Variants in FAM13A observed in about 807,000 individuals in gnomAD.
FAM13A encodes protein FAM13A.
FAM13A carries 76 observed loss-of-function variants against 129.6 expected under a neutral mutation model. The ratio of observed to expected loss-of-function variants is 0.59; its 90% CI spans 0.49 to 0.71. The LOEUF (loss-of-function observed/expected upper bound fraction) is 0.71. Ranked by LOEUF, FAM13A falls within the 30% of genes least tolerant of loss-of-function variation. The pLI is 0.00. For missense variants in FAM13A, 1,108 were observed against 1,249.3 expected (o/e 0.89, Z 1.70); for synonymous variants, 443 against 449.9 (o/e 0.98, Z 0.20).
At chr4:88,783,587 A>T (rs1039445841) in intron 10 of FAM13A, among the ~76,000 whole-genome samples, 41 of 152,252 alleles carry the variant, frequency 2.7e-4, no homozygotes, top group African/African-American at 9.6e-4. Context: ...CCCAGCCCCA[A>T]TTATAACCTT....
intron 4 of FAM13A, among the ~76,000 whole-genome samples, chr4:88,976,362 C>T (rs1005952338): frequency 6.6e-6 from 1 of 152,148 alleles, no homozygotes; most frequent in African/African-American, 2.4e-5. Flanking sequence ...GCCTCATCAG[C>T]AACGTTCAAC....
intron 8 of FAM13A, 130 bp from the exon 9 acceptor site, chr4:88,790,757 C>A: frequency 1.4e-6 from 1 of 725,834 alleles, no homozygotes; most frequent in South Asian, 1.8e-5. Flanking sequence ...CAATGTTTAA[C>A]CATCCAATGA....
chr4:88,887,678 G>A (rs1285573989), intron 6 of FAM13A, among the ~76,000 whole-genome samples: 1 of 151,772 alleles, frequency 6.6e-6, no homozygotes, highest in Non-Finnish European at 1.5e-5. Flanking sequence ...TTCCAGATGC[G>A]TGCCACCATG....
intron 4 of FAM13A, among the ~76,000 whole-genome samples, chr4:88,945,243 A>T (rs1755468575): frequency 6.6e-6 from 1 of 152,216 alleles, no homozygotes; most frequent in African/African-American, 2.4e-5. Context: ...GGCTACAACT[A>T]AGAACAAAAA....
At chr4:88,733,527 G>T (rs1738329915) in intron 21 of FAM13A, among the ~76,000 whole-genome samples, 1 of 152,198 alleles carries the variant, frequency 6.6e-6, no homozygotes, top group Non-Finnish European at 1.5e-5. Context: ...TAAAAATTGA[G>T]ATAATGTGTG....
Position 88,838,652 on chromosome 4 carries a change from G to T in FAM13A, c.1007+12368C>A, listed in dbSNP as rs567037068. Among the ~76,000 whole-genome samples, 381 of 152,058 alleles carry T rather than the reference G, an allele frequency of 2.5e-3. 1 individual carries two copies. Among genetic ancestry groups the T allele is most frequent in the African/African-American group, 8.6e-3 (358 of 41,488 alleles). On this transcript the variant is annotated intron_variant, in intron 7 of 23. Transcript: ENST00000264344. The stretch of plus-strand genomic sequence containing the variant: ...TGAGGCAGGAGAATGGCGTGAACCC[G>T]GGAGGCGGAGCTTGCAGTGAGCCGA...
intron 3 of FAM13A, among the ~76,000 whole-genome samples, chr4:89,005,232 T>G (rs1369722771): frequency 2.6e-5 from 4 of 152,216 alleles, no homozygotes; most frequent in African/African-American, 4.8e-5. Context: ...CATGTTCCCA[T>G]GAAAGACATG....
intron 7 of FAM13A, among the ~76,000 whole-genome samples, chr4:88,813,428 G>T (rs1049531327): frequency 4.6e-5 from 7 of 152,070 alleles, no homozygotes; most frequent in African/African-American, 9.7e-5. Flanking sequence ...TAGTTGATGA[G>T]AAAATATTTT....
intron 4 of FAM13A, among the ~76,000 whole-genome samples, chr4:88,978,742 C>A (rs1383752816): frequency 6.6e-6 from 1 of 151,790 alleles, no homozygotes; most frequent in South Asian, 2.1e-4. Flanking sequence ...TGCAGTGAGC[C>A]GAGATCCGGC....
chr4:88,946,206 A>G (rs534151774), intron 4 of FAM13A, among the ~76,000 whole-genome samples: 9 of 151,162 alleles, frequency 6.0e-5, no homozygotes, highest in Non-Finnish European at 1.0e-4. Context: ...CTAATAGCCA[A>G]TCAGGTAAAG....
chr4:88,840,068 GC>G (rs1304868534), intron 7 of FAM13A, among the ~76,000 whole-genome samples: 1 of 152,214 alleles, frequency 6.6e-6, no homozygotes, highest in East Asian at 1.9e-4. Context: ...AAAGAAGAAA[GC>G]TTATACAAAA....
intron 8 of FAM13A, among the ~76,000 whole-genome samples, chr4:88,801,958 G>C (rs1727551470): frequency 6.6e-6 from 1 of 152,018 alleles, no homozygotes; most frequent in South Asian, 2.1e-4. Context: ...AACAGAAGTA[G>C]AGCAGCAACA....
At chr4:88,826,367 A>G (rs939514534) in intron 7 of FAM13A, among the ~76,000 whole-genome samples, 8 of 151,982 alleles carry the variant, frequency 5.3e-5, no homozygotes, top group African/African-American at 1.9e-4. Flanking sequence ...AGTTATTTCT[A>G]AAATGGGTTC....
At chr4:89,014,546 A>T (rs1234791223) in intron 3 of FAM13A, among the ~76,000 whole-genome samples, 6 of 152,214 alleles carry the variant, frequency 3.9e-5, no homozygotes, top group African/African-American at 7.2e-5. Context: ...GGACCAGCTG[A>T]AGCCATGGCA....
intron 17 of FAM13A, among the ~76,000 whole-genome samples, chr4:88,748,399 T>C (rs905825740): frequency 6.6e-6 from 1 of 152,236 alleles, no homozygotes; most frequent in African/African-American, 2.4e-5. Context: ...CACATCAGCC[T>C]GTATGATGCT....
At chr4:88,971,066 G>C (rs751087369) in intron 4 of FAM13A, among the ~76,000 whole-genome samples, 21 of 152,142 alleles carry the variant, frequency 1.4e-4, no homozygotes, top group Non-Finnish European at 3.1e-4. Context: ...AAATTAGCCG[G>C]GCGTGGTGGC....
chr4:88,924,331 G>C (rs1379305251), intron 5 of FAM13A, among the ~76,000 whole-genome samples: 3 of 152,214 alleles, frequency 2.0e-5, no homozygotes, highest in Non-Finnish European at 2.9e-5. Flanking sequence ...AACCAAAACA[G>C]CATGGTACTG....
chr4:88,979,110 A>T (rs1761304742), intron 4 of FAM13A, among the ~76,000 whole-genome samples: 1 of 152,242 alleles, frequency 6.6e-6, no homozygotes. Flanking sequence ...ATGCTTTTAA[A>T]CATGTTAACC....
intron 14 of FAM13A, among the ~76,000 whole-genome samples, chr4:88,753,032 A>G (rs979140558): frequency 1.3e-5 from 2 of 152,230 alleles, no homozygotes; most frequent in Non-Finnish European, 2.9e-5. Context: ...TGATATTGGC[A>G]TATGAGTGTG....
Sources: allele counts gnomAD v4.1 joint callset (sites outside exome capture counted in the v4.1 genomes callset), GRCh38; gene constraint gnomAD v4.1.1; transcripts MANE v1.5; gene names NCBI Gene and HGNC (gene_info 2026-07-23, HGNC 2026-07-21).